The following PTPN4 variants were observed in gnomAD, a reference collection of about 807,000 sequenced individuals.
The protein encoded by PTPN4 is tyrosine-protein phosphatase non-receptor type 4.
Under a neutral mutation model 135.5 loss-of-function variants are expected in PTPN4, and 49 were observed. That is an observed-to-expected ratio of 0.36 (90% CI 0.29 to 0.46). The LOEUF is 0.46. Ranked by LOEUF, PTPN4 falls within the 20% of genes least tolerant of loss-of-function variation. The pLI is 1.00. For synonymous variants in PTPN4, 333 were observed against 369.9 expected, an observed-to-expected ratio of 0.90 and a Z score of 1.14; for missense variants, 860 against 1,101.0, an observed-to-expected ratio of 0.78 and a Z score of 3.10.
intron 1 of PTPN4, among the ~76,000 whole-genome samples, chr2:119,760,989 CTT>C (rs1416674998): frequency 1.3e-5 from 2 of 151,252 alleles, no homozygotes; most frequent in African/African-American, 2.4e-5. Context: ...TTCTGCAAAA[CTT>C]AGGGTGGAAG....
chr2:119,888,354 A>C (rs1678190424), intron 9 of PTPN4, among the ~76,000 whole-genome samples: 1 of 151,948 alleles, frequency 6.6e-6, no homozygotes, highest in South Asian at 2.1e-4. Flanking sequence ...CTCTTGCCTG[A>C]GTGTTCTGGC....
intron 2 of PTPN4, among the ~76,000 whole-genome samples, chr2:119,830,882 C>T (rs572223997): frequency 2.5e-3 from 379 of 152,320 alleles, no homozygotes; most frequent in Non-Finnish European, 4.4e-3. Flanking sequence ...CAGCATCATG[C>T]TTCCTGTACA....
chr2:119,852,111 G>T (rs1677601017), intron 2 of PTPN4, among the ~76,000 whole-genome samples: 1 of 152,160 alleles, frequency 6.6e-6, no homozygotes, highest in Non-Finnish European at 1.5e-5. Context: ...GGAGTGTGTA[G>T]TTACATCCTC....
chr2:119,901,087 C>A (rs778505180), intron 10 of PTPN4, among the ~76,000 whole-genome samples: 1 of 152,172 alleles, frequency 6.6e-6, no homozygotes, highest in Admixed American at 6.5e-5. Flanking sequence ...GCCCCCAGGG[C>A]AAATTGTTTT....
chr2:119,846,481 C>G (rs1267196503), intron 2 of PTPN4, among the ~76,000 whole-genome samples: 1 of 151,110 alleles, frequency 6.6e-6, no homozygotes, highest in African/African-American at 2.4e-5. Flanking sequence ...TTTTTAAATC[C>G]TTTACTTATT....
chr2:119,786,553 G>C (rs1425289700), intron 1 of PTPN4, among the ~76,000 whole-genome samples: 2 of 152,174 alleles, frequency 1.3e-5, no homozygotes, highest in Non-Finnish European at 1.5e-5. Flanking sequence ...TCAGTGCTGA[G>C]GGCTGAGGAT....
rs151223963 is a variant in PTPN4, at chr2:119,984,849, A to G, written c.*7779A>G. The stretch of plus-strand genomic sequence containing the variant: ...ACAAACATGACAAACAACTCTAGCT[A>G]TGACTCTTAATGTTCAATTGCAAAA... On this transcript the variant is annotated 3_prime_UTR_variant, in exon 27 of 27. Transcript: ENST00000263708. 2.2e-3 allele frequency among the ~76,000 whole-genome samples: 330 copies of G among 152,358 alleles called. No homozygotes were observed. The highest frequency in any genetic ancestry group is 7.7e-3 in the African/African-American group (322 of 41,586).
intron 15 of PTPN4, among the ~76,000 whole-genome samples, chr2:119,937,384 ATTAT>A (rs1241841806): frequency 6.6e-6 from 1 of 152,156 alleles, no homozygotes; most frequent in African/African-American, 2.4e-5. Flanking sequence ...CATCTTACCA[ATTAT>A]TTATTTAAGT....
intron 9 of PTPN4, among the ~76,000 whole-genome samples, chr2:119,890,514 A>G (rs1419115225): frequency 6.6e-6 from 1 of 152,064 alleles, no homozygotes; most frequent in African/African-American, 2.4e-5. Context: ...TTTACATTCA[A>G]AGTTATTGGT....
chr2:119,847,389 G>A (rs912095077), intron 2 of PTPN4, among the ~76,000 whole-genome samples: 3 of 148,156 alleles, frequency 2.0e-5, no homozygotes, highest in South Asian at 2.1e-4. Flanking sequence ...GTGCAATGGC[G>A]TGATCTCAGC....
intron 8 of PTPN4, among the ~76,000 whole-genome samples, chr2:119,883,085 G>A (rs1033130944): frequency 1.3e-5 from 2 of 152,058 alleles, no homozygotes; most frequent in South Asian, 2.1e-4. Context: ...CCAAGAGTTT[G>A]AAATTCAGAG....
chr2:119,884,009 C>T (rs1179786517), intron 8 of PTPN4, among the ~76,000 whole-genome samples: 1 of 152,216 alleles, frequency 6.6e-6, no homozygotes, highest in African/African-American at 2.4e-5. Context: ...ATGCCATTCT[C>T]CTGCCTCAGC....
chr2:119,885,246 A>C (rs1302582212), intron 8 of PTPN4, among the ~76,000 whole-genome samples: 1 of 152,228 alleles, frequency 6.6e-6, no homozygotes, highest in Non-Finnish European at 1.5e-5. Flanking sequence ...AAAGACGTAA[A>C]AAATACAAGT....
Position 119,775,691 on chromosome 2 carries a change from A to G in PTPN4, c.-18+15307A>G, listed in dbSNP as rs551119643. 2.0e-5 allele frequency among the ~76,000 whole-genome samples: 3 copies of G among 152,356 alleles called. No homozygotes were observed. In the East Asian group the frequency reaches 5.8e-4, roughly 29 times the overall value. On this transcript the variant is annotated intron_variant, in intron 1 of 26. Transcript: ENST00000263708. Reference sequence around the variant, plus strand: ...TGTTATAGAAAAAGCTGTGAAAGCCATCAGGCCTGAAACTGTAAATACCTG... The same window carrying G: ...TGTTATAGAAAAAGCTGTGAAAGCCGTCAGGCCTGAAACTGTAAATACCTG...
At chr2:119,917,472 G>A (rs548691438) in intron 11 of PTPN4, among the ~76,000 whole-genome samples, 2 of 152,272 alleles carry the variant, frequency 1.3e-5, no homozygotes, top group East Asian at 1.9e-4. Context: ...GGTGGCTCAC[G>A]CCTGTAATCC....
chr2:119,876,367 T>A (rs955853000), intron 3 of PTPN4, among the ~76,000 whole-genome samples: 1 of 152,146 alleles, frequency 6.6e-6, no homozygotes, highest in African/African-American at 2.4e-5. Context: ...GATGATAAAT[T>A]GATAAATTCT....
chr2:119,900,330 T>C (rs761095431), intron 9 of PTPN4, among the ~76,000 whole-genome samples: 1 of 152,110 alleles, frequency 6.6e-6, no homozygotes, highest in Non-Finnish European at 1.5e-5. Flanking sequence ...TTTATTCATG[T>C]TTGTGATGTT....
At chr2:119,894,594 A>G (rs1034662600) in intron 9 of PTPN4, among the ~76,000 whole-genome samples, 3 of 152,226 alleles carry the variant, frequency 2.0e-5, no homozygotes, top group Non-Finnish European at 2.9e-5. Flanking sequence ...AACTACATTA[A>G]AAATAGACAT....
At chr2:119,953,749 A>G (rs1442582661) in intron 19 of PTPN4, among the ~76,000 whole-genome samples, 1 of 152,112 alleles carries the variant, frequency 6.6e-6, no homozygotes, top group Non-Finnish European at 1.5e-5. Context: ...ATCCAATGAG[A>G]TTGATGAATT....
Sources: gnomAD v4.1 joint callset for allele counts (sites outside exome capture counted in the v4.1 genomes callset) on GRCh38, gnomAD v4.1.1 for gene constraint, MANE v1.5 for transcripts, NCBI Gene and HGNC (gene_info 2026-07-23, HGNC 2026-07-21) for gene names.